The following SLIT2 variants were observed in gnomAD, a reference collection of about 807,000 sequenced individuals.
The protein encoded by SLIT2 is slit homolog 2 protein.
Under a neutral mutation model 185.7 loss-of-function variants are expected in SLIT2, and 41 were observed. The observed-to-expected ratio is 0.22, with a 90% CI of 0.17 to 0.29. The LOEUF (loss-of-function observed/expected upper bound fraction) is 0.29. SLIT2 is among the 10% of genes least tolerant of loss of function. The pLI is 1.00. For missense variants in SLIT2, 1,571 were observed against 1,909.0 expected, an observed-to-expected ratio of 0.82 and a Z score of 3.30; for synonymous variants, 693 against 680.2, an observed-to-expected ratio of 1.02 and a Z score of -0.29.
In SLIT2 at chr4:20,617,156, C is replaced by G. The variant is rs139559628; in HGVS notation, c.4094C>G (p.Pro1365Arg). ...GAGTGCCAGGAAGGATGGATGGGGCCCCTCTGTGACCAACGGACCAATGAC... is the reference window on the plus strand; with the variant it reads ...GAGTGCCAGGAAGGATGGATGGGGCGCCTCTGTGACCAACGGACCAATGAC... ...TCECQEGWMGPLCDQRTNDPC... is the reference protein window; with the variant it reads ...TCECQEGWMGRLCDQRTNDPC... Residue 1365 changes from proline (P) to arginine (R), a missense_variant, in exon 35 of 37, where the codon CCC becomes CGC. Pro to Arg is a moderately radical substitution (Grantham distance 103, BLOSUM62 -2). Around this residue, in one of 3 missense-constraint regions of SLIT2, gnomAD observed 223 missense variants for 245.2 expected, o/e 0.91. Transcript: ENST00000504154. 92 of 1,604,582 alleles carry G rather than the reference C, an allele frequency of 5.7e-5. No homozygotes were observed. The highest frequency in any genetic ancestry group is 6.9e-5 in the Non-Finnish European group (81 of 1,172,902).
chr4:20,472,197 T>C (rs1715110945), intron 5 of SLIT2, among the ~76,000 whole-genome samples: 1 of 136,924 alleles, frequency 7.3e-6, no homozygotes, highest in Non-Finnish European at 1.5e-5. Flanking sequence ...TTAGGAAAAA[T>C]TGCTTTAGAA....
intron 9 of SLIT2, among the ~76,000 whole-genome samples, chr4:20,494,193 G>A (rs1373336031): frequency 6.6e-6 from 1 of 152,238 alleles, no homozygotes; most frequent in Non-Finnish European, 1.5e-5. Flanking sequence ...CTTTGGTCCA[G>A]TGGAGATGTC....
At chr4:20,273,709 C>T (rs923299895) in intron 4 of SLIT2, among the ~76,000 whole-genome samples, 9 of 152,092 alleles carry the variant, frequency 5.9e-5, no homozygotes, top group Non-Finnish European at 1.0e-4. Context: ...TTTTATAAAA[C>T]GAACTCCCTA....
chr4:20,424,924 A>T (rs903579873), intron 4 of SLIT2, among the ~76,000 whole-genome samples: 2 of 152,168 alleles, frequency 1.3e-5, no homozygotes. Flanking sequence ...AGTCCAAATA[A>T]AGTGTGTCTA....
chr4:20,439,828 C>T (rs924056660), intron 4 of SLIT2, among the ~76,000 whole-genome samples: 1 of 152,120 alleles, frequency 6.6e-6, no homozygotes, highest in Non-Finnish European at 1.5e-5. Context: ...CTGTGAACTC[C>T]GTTAAGAACC....
chr4:20,518,588 T>TATATATATATATATATATATATA (rs1475880730), intron 11 of SLIT2, among the ~76,000 whole-genome samples: 1 of 7,604 alleles, frequency 1.3e-4, no homozygotes, highest in Non-Finnish European at 2.3e-4. Flanking sequence ...TATATATATA[T>TATATATATATATATATATATATA]TTTTTTTTTT....
At chr4:20,596,798 G>A (rs1442753956) in intron 32 of SLIT2, 143 bp downstream of exon 32, 15 of 698,808 alleles carry the variant, frequency 2.1e-5, no homozygotes, top group East Asian at 8.6e-5. Flanking sequence ...TGTGGACAGC[G>A]TTAGTAATTT....
chr4:20,462,540 A>C lies in SLIT2; in HGVS notation c.396-5212A>C, dbSNP rs1440744427. Among the ~76,000 whole-genome samples the C allele has an allele frequency of 1.1e-4, 17 of 152,254 alleles. No homozygotes were observed. The East Asian group carries it at 3.3e-3, about 29-fold the overall frequency. The stretch of plus-strand genomic sequence containing the variant: ...ATTCCATTGAAGATTTTACATTTGC[A>C]CCAGATGCTAACTCCTAACTTTATT... On this transcript the variant is annotated intron_variant, in intron 4 of 36. Transcript: ENST00000504154.
chr4:20,383,706 A>T (rs1724715380), intron 4 of SLIT2, among the ~76,000 whole-genome samples: 1 of 151,800 alleles, frequency 6.6e-6, no homozygotes, highest in South Asian at 2.1e-4. Flanking sequence ...CAGTGTTACT[A>T]TTCTTTTTTT....
intron 3 of SLIT2, among the ~76,000 whole-genome samples, chr4:20,267,484 G>C (rs2109026015): frequency 6.6e-6 from 1 of 151,838 alleles, no homozygotes; most frequent in South Asian, 2.1e-4. Flanking sequence ...GCATTTTTTA[G>C]AATGGAAAGA....
intron 5 of SLIT2, among the ~76,000 whole-genome samples, chr4:20,472,906 T>G (rs1715715318): frequency 6.6e-6 from 1 of 151,524 alleles, no homozygotes; most frequent in Non-Finnish European, 1.5e-5. Flanking sequence ...AAAACATTCT[T>G]AGTTATAGTT....
chr4:20,571,139 C>G (rs1725571261), intron 29 of SLIT2, among the ~76,000 whole-genome samples: 1 of 152,004 alleles, frequency 6.6e-6, no homozygotes, highest in Non-Finnish European at 1.5e-5. Flanking sequence ...ATTTTTTAGC[C>G]AAAATGTGAC....
intron 4 of SLIT2, among the ~76,000 whole-genome samples, chr4:20,289,100 G>A (rs947201849): frequency 6.6e-6 from 1 of 152,204 alleles, no homozygotes; most frequent in African/African-American, 2.4e-5. Flanking sequence ...GGGGCAGGGG[G>A]TGCTGATGCA....
At chr4:20,449,179 G>A (rs913689229) in intron 4 of SLIT2, among the ~76,000 whole-genome samples, 2 of 152,116 alleles carry the variant, frequency 1.3e-5, no homozygotes, top group Admixed American at 1.3e-4. Flanking sequence ...TATGAAAAGA[G>A]TAATAGTTAT....
intron 29 of SLIT2, among the ~76,000 whole-genome samples, chr4:20,577,813 G>C (rs1726204049): frequency 1.3e-5 from 2 of 152,114 alleles, no homozygotes; most frequent in Admixed American, 6.6e-5. Context: ...TTTAAAATCA[G>C]AATTGGATCG....
At chr4:20,327,348 C>T (rs1719678798) in intron 4 of SLIT2, among the ~76,000 whole-genome samples, 1 of 151,926 alleles carries the variant, frequency 6.6e-6, no homozygotes, top group Non-Finnish European at 1.5e-5. Context: ...AAAATCAAAC[C>T]TCATAATACA....
rs1327305305 is a variant in SLIT2 at position 20,589,889 on chromosome 4, T to A, written c.3182+152T>A. 1.4e-5 allele frequency: 7 copies of A among 500,598 alleles called. No homozygotes were observed. In the African/African-American group the frequency reaches 1.4e-4, roughly 10 times the overall value. 31.0% of individuals were successfully genotyped at this position (500,598 alleles called of 1,614,324 possible). ...CAGTGACATTTTTTAAATGTCGATA[T>A]ACAATATGGACTTTTTTTTTTTTTT... On this transcript the variant is annotated intron_variant, in intron 30 of 36. Coordinates refer to ENST00000504154, the MANE Select transcript of SLIT2 (RefSeq NM_004787.4).
chr4:20,390,135 A>G (rs530217835), intron 4 of SLIT2, among the ~76,000 whole-genome samples: 4 of 152,208 alleles, frequency 2.6e-5, no homozygotes, highest in Admixed American at 1.3e-4. Flanking sequence ...TTTCTCTGCT[A>G]GAGACTTGGA....
intron 4 of SLIT2, among the ~76,000 whole-genome samples, chr4:20,428,903 C>T (rs1361859634): frequency 2.0e-5 from 3 of 152,222 alleles, no homozygotes; most frequent in Non-Finnish European, 4.4e-5. Flanking sequence ...CTGCAGTTGT[C>T]AGTATCAATT....
Sources: gnomAD v4.1 joint callset for allele counts (sites outside exome capture counted in the v4.1 genomes callset) on GRCh38, gnomAD v4.1.1 for gene constraint, gnomAD v4.1.1 regional missense constraint, MANE v1.5 for transcripts, NCBI Gene and HGNC (gene_info 2026-07-23, HGNC 2026-07-21) for gene names.